The following TSHZ2 variants were observed in gnomAD, a reference collection of about 807,000 sequenced individuals.
TSHZ2 encodes the protein teashirt homolog 2.
A neutral mutation model predicts 74.4 loss-of-function variants in TSHZ2; 21 were observed. The observed-to-expected ratio is 0.28, with a 90% CI of 0.20 to 0.41. The LOEUF is 0.41. Ranked by LOEUF, TSHZ2 falls within the 10% of genes least tolerant of loss-of-function variation. TSHZ2 has a pLI of 1.00. For missense variants in TSHZ2, 1,244 were observed against 1,293.5 expected (o/e 0.96, Z 0.59); for synonymous variants, 540 against 515.3 (o/e 1.05, Z -0.65).
At chr20:53,104,641 C>G (rs1227906016) in intron 1 of TSHZ2, among the ~76,000 whole-genome samples, 1 of 152,144 alleles carries the variant, frequency 6.6e-6, no homozygotes, top group Non-Finnish European at 1.5e-5. Flanking sequence ...CTCCTCTATG[C>G]TTGGCTTATG....
chr20:53,083,845 T>G (rs1253053392), intron 1 of TSHZ2, among the ~76,000 whole-genome samples: 2 of 152,152 alleles, frequency 1.3e-5, no homozygotes, highest in Non-Finnish European at 2.9e-5. Context: ...TCTATTTTTT[T>G]TATAAGTTTT....
Position 53,119,128 on chromosome 20 carries a change from A to G in TSHZ2, c.41-134371A>G, listed in dbSNP as rs571011485. ...CTCACCTCCAACACTGGGGATTACA[A>G]TTAGACCTGCAATTTCCTAGGGACA... On this transcript the variant is annotated intron_variant, in intron 1 of 2. Transcript: ENST00000371497. 3.3e-4 allele frequency among the ~76,000 whole-genome samples: 50 copies of G among 152,274 alleles called. No individual in the cohort carries two copies. The South Asian group carries it at 8.7e-3, about 27-fold the overall frequency.
At chr20:53,091,271 A>G (rs1985878600) in intron 1 of TSHZ2, among the ~76,000 whole-genome samples, 2 of 152,216 alleles carry the variant, frequency 1.3e-5, no homozygotes, top group Admixed American at 1.3e-4. Context: ...TGCAGGAGAT[A>G]GTTCTATAAC....
At chr20:53,014,625 CCTT>C (rs1982971398) in intron 1 of TSHZ2, among the ~76,000 whole-genome samples, 1 of 152,086 alleles carries the variant, frequency 6.6e-6, no homozygotes, top group Non-Finnish European at 1.5e-5. Context: ...ATTTTCTCCT[CCTT>C]CAAGAACCTC....
At chr20:53,031,159 G>A (rs1370925115) in intron 1 of TSHZ2, among the ~76,000 whole-genome samples, 1 of 152,104 alleles carries the variant, frequency 6.6e-6, no homozygotes, top group African/African-American at 2.4e-5. Flanking sequence ...GCTACTTATT[G>A]CCAAATCACC....
chr20:53,170,954 T>TAA (rs11398230), intron 1 of TSHZ2, among the ~76,000 whole-genome samples: 3,405 of 144,562 alleles, frequency 0.024, 124 homozygotes, highest in African/African-American at 0.08. Context: ...AAAAAGTAAT[T>TAA]AAAAAAAAAA....
At chr20:53,000,186 G>C (rs575210047) in intron 1 of TSHZ2, among the ~76,000 whole-genome samples, 2 of 152,190 alleles carry the variant, frequency 1.3e-5, no homozygotes, top group African/African-American at 4.8e-5. Flanking sequence ...ACCTGTTTTT[G>C]TATGACCTAT....
At chr20:53,410,623 T>TATTA (rs1173823295) in intron 2 of TSHZ2, among the ~76,000 whole-genome samples, 1 of 148,496 alleles carries the variant, frequency 6.7e-6, no homozygotes, top group Non-Finnish European at 1.5e-5. Context: ...TTATTATTAT[T>TATTA]ATTAGCTGTG....
chr20:53,142,195 G>C (rs908393578), intron 1 of TSHZ2, among the ~76,000 whole-genome samples: 8 of 152,172 alleles, frequency 5.3e-5, no homozygotes, highest in Non-Finnish European at 7.3e-5. Context: ...AGAGTACAGG[G>C]GAAACGACCT....
intron 2 of TSHZ2, among the ~76,000 whole-genome samples, chr20:53,257,675 C>G (rs1467170721): frequency 2.0e-5 from 3 of 152,204 alleles, no homozygotes; most frequent in Non-Finnish European, 4.4e-5. Flanking sequence ...AAGGGCCCTC[C>G]TATGTGTTCA....
intron 1 of TSHZ2, among the ~76,000 whole-genome samples, chr20:53,138,528 C>G (rs1056020600): frequency 6.6e-6 from 1 of 152,162 alleles, no homozygotes; most frequent in East Asian, 1.9e-4. Context: ...ATCAAACACT[C>G]GGCAGTTTTT....
chr20:53,182,827 C>T (rs1988514485), intron 1 of TSHZ2, among the ~76,000 whole-genome samples: 1 of 152,174 alleles, frequency 6.6e-6, no homozygotes, highest in African/African-American at 2.4e-5. Flanking sequence ...GGGATACAGC[C>T]TATGTGTGTT....
rs1442485659 is a variant in TSHZ2, at chr20:53,474,566, A to C, written c.*9-12578A>C. ...CGCTGCAAAATCATGCCAAAATGTAAAGACCATCCAGACTAGGAAGAAACT... is the reference window on the plus strand; with the variant it reads ...CGCTGCAAAATCATGCCAAAATGTACAGACCATCCAGACTAGGAAGAAACT... On this transcript the variant is annotated intron_variant, in intron 2 of 2. Transcript: ENST00000371497. Among the ~76,000 whole-genome samples, 360 of 129,908 alleles carry C rather than the reference A, an allele frequency of 2.8e-3. 1 individual carries two copies. The highest frequency in any genetic ancestry group is 0.01 in the African/African-American group (341 of 32,726). The allele number at this position is 129,908 out of a possible 152,430, so 85.2% of individuals were successfully genotyped here. A position where few individuals can be genotyped will look rare whatever the true frequency, so the allele number is the denominator to read the frequency against.
intron 2 of TSHZ2, among the ~76,000 whole-genome samples, chr20:53,368,069 G>T (rs771217943): frequency 6.6e-6 from 1 of 151,976 alleles, no homozygotes; most frequent in African/African-American, 2.4e-5. Context: ...TTCCTCCCGC[G>T]CTGGGACAAA....
At chr20:53,102,149 A>G (rs1252389328) in intron 1 of TSHZ2, among the ~76,000 whole-genome samples, 17 of 152,154 alleles carry the variant, frequency 1.1e-4, no homozygotes, top group Admixed American at 1.1e-3. Flanking sequence ...TTTTGATGGA[A>G]ACTGATTTCC....
intron 2 of TSHZ2, among the ~76,000 whole-genome samples, chr20:53,391,799 C>A (rs1192357059): frequency 6.6e-6 from 1 of 152,084 alleles, no homozygotes; most frequent in Non-Finnish European, 1.5e-5. Flanking sequence ...AAAAATTAGA[C>A]AGACGTGGTG....
chr20:53,106,150 G>A (rs1455601251), intron 1 of TSHZ2, among the ~76,000 whole-genome samples: 3 of 151,888 alleles, frequency 2.0e-5, no homozygotes, highest in Admixed American at 2.0e-4. Context: ...ATTATTAATT[G>A]CAGTCATCTT....
intron 2 of TSHZ2, among the ~76,000 whole-genome samples, chr20:53,351,543 A>G (rs568793369): frequency 9.2e-5 from 14 of 152,382 alleles, no homozygotes; most frequent in African/African-American, 3.4e-4. Context: ...TAACTCAATT[A>G]TCATCAATCC....
intron 1 of TSHZ2, among the ~76,000 whole-genome samples, chr20:52,993,938 T>C (rs1982080185): frequency 6.6e-6 from 1 of 152,208 alleles, no homozygotes; most frequent in Admixed American, 6.5e-5. Flanking sequence ...GCTGGAAACC[T>C]TGCTGGGCTG....
Sources: allele counts gnomAD v4.1 joint callset (sites outside exome capture counted in the v4.1 genomes callset), GRCh38; gene constraint gnomAD v4.1.1; transcripts MANE v1.5; gene names NCBI Gene and HGNC (gene_info 2026-07-23, HGNC 2026-07-21).